Variants in SLIT3 observed in about 807,000 individuals in gnomAD.
The protein encoded by SLIT3 is slit homolog 3 protein.
Under a neutral mutation model 184.0 loss-of-function variants are expected in SLIT3, and 68 were observed. That is an observed-to-expected ratio of 0.37 (90% CI 0.30 to 0.45). SLIT3 has a LOEUF of 0.45. Ranked by LOEUF, SLIT3 falls within the 20% of genes least tolerant of loss-of-function variation. SLIT3 has a pLI of 1.00. For synonymous variants in SLIT3, 831 were observed against 828.6 expected, an observed-to-expected ratio of 1.00 and a Z score of -0.05; for missense variants, 1,707 against 2,026.0, an observed-to-expected ratio of 0.84 and a Z score of 3.02.
At chr5:169,038,773 C>CGTG (rs1757346553) in intron 4 of SLIT3, among the ~76,000 whole-genome samples, 1 of 134,802 alleles carries the variant, frequency 7.4e-6, no homozygotes, top group African/African-American at 3.3e-5. Context: ...TATGGCACCA[C>CGTG]ATTGTTCAGT....
At chr5:168,745,830 T>TTATA (rs1763781773) in intron 20 of SLIT3, among the ~76,000 whole-genome samples, 1 of 152,170 alleles carries the variant, frequency 6.6e-6, no homozygotes, top group Admixed American at 6.5e-5. Flanking sequence ...CACTACTGTC[T>TTATA]TATTTTAAGA....
At chr5:168,835,505 T>C (rs1006556233) in intron 6 of SLIT3, among the ~76,000 whole-genome samples, 2 of 150,962 alleles carry the variant, frequency 1.3e-5, no homozygotes, top group African/African-American at 4.9e-5. Context: ...GTTGTTTTTT[T>C]GTTTGTTTGT....
intron 4 of SLIT3, among the ~76,000 whole-genome samples, chr5:169,124,014 G>A (rs1760985669): frequency 6.6e-6 from 1 of 152,128 alleles, no homozygotes; most frequent in East Asian, 1.9e-4. Flanking sequence ...TCAAGCAAGG[G>A]CAATTTTTCA....
In SLIT3 at chr5:168,712,305, C is replaced by T. The variant is rs35807688; in HGVS notation, c.2533G>A (p.Asp845Asn). 1,118 of 1,614,060 alleles carry T rather than the reference C, an allele frequency of 6.9e-4. 7 individuals are homozygous for T. In the African/African-American group the frequency reaches 0.011, roughly 17 times the overall value. The change falls in exon 24 of 36, where the codon GAC (aspartate) becomes AAC (asparagine). Residue 845 changes from aspartate to asparagine, a missense_variant. By Grantham distance (23) the Asp-to-Asn change is conservative. Transcript: ENST00000519560. ...TACAGATGGGAAAGAGATGTGAGGT[C>T]GTTGAAGGAGCCTTCAGGAACGCTG... ...ISSVPEGSFN[D>N]LTSLSHLALG...
Position 168,710,894 on chromosome 5 carries a change from C to G in SLIT3, c.2719+1G>C. 6.5e-7 allele frequency: 1 copy of G among 1,537,602 alleles called. No individual in the cohort carries two copies. Among genetic ancestry groups the G allele is most frequent in the Non-Finnish European group, 8.8e-7 (1 of 1,137,702 alleles). On this transcript the variant is annotated splice_donor_variant, in intron 25 of 35. Transcript: ENST00000519560. LOFTEE classifies it high-confidence loss of function. Reference sequence around the variant, plus strand: ...GAGGGTGGGGTGTGGGCGTCACCTACCTTTGCACTGGAAGCGGTGGGTTGG... The same window carrying G: ...GAGGGTGGGGTGTGGGCGTCACCTAGCTTTGCACTGGAAGCGGTGGGTTGG...
chr5:168,867,950 G>C (rs1249357707), intron 5 of SLIT3, among the ~76,000 whole-genome samples: 1 of 152,322 alleles, frequency 6.6e-6, no homozygotes, highest in East Asian at 1.9e-4. Flanking sequence ...AGTTGAATGG[G>C]ACCCACAGAT....
At chr5:169,216,531 T>C (rs1053307588) in intron 3 of SLIT3, among the ~76,000 whole-genome samples, 6 of 152,218 alleles carry the variant, frequency 3.9e-5, no homozygotes, top group Middle Eastern at 3.2e-3. Context: ...AGTCTTCCTA[T>C]AGAGATTTGG....
chr5:169,130,776 T>C (rs1016040773), intron 4 of SLIT3, among the ~76,000 whole-genome samples: 1 of 152,240 alleles, frequency 6.6e-6, no homozygotes, highest in Non-Finnish European at 1.5e-5. Context: ...TACATTCTAG[T>C]ATATGAATAT....
At chr5:168,771,820 C>T (rs562184580) in intron 14 of SLIT3, among the ~76,000 whole-genome samples, 6 of 152,276 alleles carry the variant, frequency 3.9e-5, no homozygotes, top group South Asian at 2.1e-4. Context: ...GTAACCTCTC[C>T]CCACGCTGGC....
At chr5:168,685,435 A>G (rs1048548743) in intron 31 of SLIT3, among the ~76,000 whole-genome samples, 4 of 152,224 alleles carry the variant, frequency 2.6e-5, no homozygotes, top group Non-Finnish European at 4.4e-5. Context: ...TGTCTGGTGT[A>G]CAATAGTTGA....
At chr5:168,990,018 T>C (rs1755267964) in intron 4 of SLIT3, among the ~76,000 whole-genome samples, 1 of 152,232 alleles carries the variant, frequency 6.6e-6, no homozygotes, top group Non-Finnish European at 1.5e-5. Context: ...TATCCTGCTA[T>C]TCATGTGGGT....
At position 168,856,766 on chromosome 5, in the gene SLIT3, C is replaced by CGTGTATGT. The variant is rs1554149427; in HGVS notation, c.486-12112_486-12111insACATACAC. ...TTTGCATTTCAGAAGCTGAGTTCCT[C>CGTGTATGT]GTGTGTGTGTGTGTGTGTGTGTGTG... On this transcript the variant is annotated intron_variant, in intron 5 of 35. Coordinates refer to ENST00000519560, the MANE Select transcript of SLIT3 (RefSeq NM_003062.4). Among the ~76,000 whole-genome samples, 33 of 132,932 alleles carry CGTGTATGT rather than the reference C, an allele frequency of 2.5e-4. 1 individual carries two copies. Among genetic ancestry groups the CGTGTATGT allele is most frequent in the African/African-American group, 8.4e-4 (29 of 34,702 alleles). 87.2% of individuals were successfully genotyped at this position (132,932 alleles called of 152,430 possible).
At chr5:169,209,695 A>G (rs987249841) in intron 3 of SLIT3, among the ~76,000 whole-genome samples, 1 of 152,196 alleles carries the variant, frequency 6.6e-6, no homozygotes, top group Admixed American at 6.5e-5. Context: ...CTAACCCAGG[A>G]ACAGAAAACC....
chr5:169,203,883 C>A (rs1347804835), intron 3 of SLIT3, among the ~76,000 whole-genome samples: 1 of 151,966 alleles, frequency 6.6e-6, no homozygotes, highest in East Asian at 1.9e-4. Flanking sequence ...GGGTTGGGGG[C>A]AGATTTGGAT....
intron 4 of SLIT3, among the ~76,000 whole-genome samples, chr5:168,920,877 T>C (rs1394173949): frequency 2.6e-5 from 4 of 152,158 alleles, no homozygotes; most frequent in African/African-American, 9.7e-5. Context: ...CACTGATAGA[T>C]TAGGTAAAAG....
intron 4 of SLIT3, among the ~76,000 whole-genome samples, chr5:168,940,101 A>G (rs1762285117): frequency 1.3e-5 from 2 of 152,234 alleles, no homozygotes; most frequent in Admixed American, 6.5e-5. Flanking sequence ...GCAATAAATG[A>G]TAAGTGTCAA....
chr5:168,762,323 T>A (rs1363833750), intron 15 of SLIT3, among the ~76,000 whole-genome samples: 1 of 152,120 alleles, frequency 6.6e-6, no homozygotes, highest in Non-Finnish European at 1.5e-5. Flanking sequence ...TCAGAAAATA[T>A]GTGTAGAATG....
intron 4 of SLIT3, among the ~76,000 whole-genome samples, chr5:169,130,763 A>T (rs1272750566): frequency 6.6e-6 from 1 of 152,214 alleles, no homozygotes; most frequent in African/African-American, 2.4e-5. Flanking sequence ...AGGGAAGGAA[A>T]AATACATTCT....
At chr5:169,265,186 G>A (rs143751910) in intron 1 of SLIT3, among the ~76,000 whole-genome samples, 10 of 133,588 alleles carry the variant, frequency 7.5e-5, no homozygotes, top group South Asian at 7.1e-4. Flanking sequence ...CAAACAAAAC[G>A]TACAACTAGC....
Sources: gnomAD v4.1 joint callset for allele counts (sites outside exome capture counted in the v4.1 genomes callset) on GRCh38, gnomAD v4.1.1 for gene constraint, MANE v1.5 for transcripts, NCBI Gene and HGNC (gene_info 2026-07-23, HGNC 2026-07-21) for gene names.